The following USH2A variants were observed in gnomAD, a reference collection of about 807,000 sequenced individuals.
USH2A encodes the protein Usher syndrome 2A (autosomal recessive, mild).
Under a neutral mutation model 538.9 loss-of-function variants are expected in USH2A, and 443 were observed. The observed-to-expected ratio is 0.82, with a 90% CI of 0.76 to 0.89. The LOEUF is 0.89. Ranked by LOEUF, USH2A falls within the 40% of genes least tolerant of loss-of-function variation. The probability of loss-of-function intolerance (pLI) is 0.00; values close to 1 mark genes in which losing one functional copy is unlikely to be tolerated. For synonymous variants in USH2A, 2,413 were observed against 2,273.5 expected (o/e 1.06, Z -1.75); for missense variants, 6,633 against 6,324.8 (o/e 1.05, Z -1.65).
intron 20 of USH2A, among the ~76,000 whole-genome samples, chr1:216,180,536 A>C (rs2034472904): frequency 6.6e-6 from 1 of 152,096 alleles, no homozygotes; most frequent in African/African-American, 2.4e-5. Flanking sequence ...TAGCATTTTG[A>C]GCACCATAGG....
intron 27 of USH2A, among the ~76,000 whole-genome samples, chr1:216,073,999 C>T (rs999229880): frequency 6.6e-6 from 1 of 152,204 alleles, no homozygotes; most frequent in Admixed American, 6.5e-5. Flanking sequence ...CAGGGGCCAG[C>T]CTTCACTGTT....
At chr1:215,951,387 G>A (rs953512844) in intron 37 of USH2A, among the ~76,000 whole-genome samples, 4 of 152,172 alleles carry the variant, frequency 2.6e-5, no homozygotes, top group African/African-American at 9.7e-5. Flanking sequence ...TTAATCCTGA[G>A]TTCTAGTTTG....
At chr1:215,689,257 T>C (rs4638090) in intron 61 of USH2A, among the ~76,000 whole-genome samples, 30,408 of 152,144 alleles carry the variant, frequency 0.2, 3,196 homozygotes, top group Non-Finnish European at 0.23. Flanking sequence ...TTGAGGGTCC[T>C]TGGACATATC....
intron 42 of USH2A, among the ~76,000 whole-genome samples, 174 bp downstream of exon 42, chr1:215,878,590 T>C (rs569649431): frequency 1.3e-5 from 2 of 152,334 alleles, no homozygotes; most frequent in African/African-American, 4.8e-5. Context: ...ACTTTGATGT[T>C]TCCATAATAA....
intron 36 of USH2A, 60 bp from the exon 37 acceptor site, chr1:215,965,539 G>T: frequency 6.3e-7 from 1 of 1,585,168 alleles, no homozygotes; most frequent in South Asian, 1.1e-5. Flanking sequence ...GCTTCGCTTT[G>T]AGCATATTTC....
chr1:215,857,492 G>A (rs568023959), intron 44 of USH2A, among the ~76,000 whole-genome samples: 1 of 152,304 alleles, frequency 6.6e-6, no homozygotes, highest in East Asian at 1.9e-4. Context: ...TTCAAGGGAG[G>A]AGCAACAGGA....
At chr1:215,955,071 G>A (rs1203929779) in intron 37 of USH2A, among the ~76,000 whole-genome samples, 1 of 152,042 alleles carries the variant, frequency 6.6e-6, no homozygotes, top group East Asian at 1.9e-4. Context: ...TTCTTATTAT[G>A]AAAATCTTAG....
chr1:215,632,448 G>A (rs572865634), intron 70 of USH2A, among the ~76,000 whole-genome samples: 8 of 152,274 alleles, frequency 5.3e-5, no homozygotes, highest in African/African-American at 1.9e-4. Context: ...TGGTCACTAA[G>A]TTAACCAAGT....
At chr1:216,047,647 G>T (rs2030581347) in intron 31 of USH2A, among the ~76,000 whole-genome samples, 1 of 152,118 alleles carries the variant, frequency 6.6e-6, no homozygotes, top group Non-Finnish European at 1.5e-5. Flanking sequence ...TGCAAGTGGT[G>T]CTTGGTAAAG....
chr1:215,646,174 G>A (rs568867166), intron 67 of USH2A, among the ~76,000 whole-genome samples: 3 of 152,260 alleles, frequency 2.0e-5, no homozygotes, highest in Admixed American at 2.0e-4. Context: ...GGTATAATAA[G>A]CTGGACCAGC....
At chr1:216,131,875 C>T (rs2033383484) in intron 21 of USH2A, among the ~76,000 whole-genome samples, 2 of 152,070 alleles carry the variant, frequency 1.3e-5, no homozygotes, top group Non-Finnish European at 2.9e-5. Context: ...AGGCACTCTT[C>T]TAGATGCTTT....
In USH2A at chr1:215,627,433, C is replaced by CTTCCTTCTTTCCTTCCTTCT. The variant is rs1558027439; in HGVS notation, c.15519+1380_15519+1381insAGAAGGAAGGAAAGAAGGAA. Among the ~76,000 whole-genome samples, 35 of 74,764 alleles carry CTTCCTTCTTTCCTTCCTTCT rather than the reference C, an allele frequency of 4.7e-4. 1 individual carries two copies. The highest frequency in any genetic ancestry group is 1.0e-3 in the African/African-American group (19 of 18,682). The allele number at this position is 74,764 out of a possible 152,430, so 49.0% of individuals were successfully genotyped here. A position where few individuals can be genotyped will look rare whatever the true frequency, so the allele number is the denominator to read the frequency against. On this transcript the variant is annotated intron_variant, in intron 71 of 71. Transcript: ENST00000307340. The stretch of plus-strand genomic sequence containing the variant: ...CCTTCCTTCCTTCCTTCCTTCCTTC[C>CTTCCTTCTTTCCTTCCTTCT]TTCCTTCCTTCCTTCCTTCCTTCCT...
Position 216,076,188 on chromosome 1 carries a change from A to G in USH2A, c.5572+1901T>C, listed in dbSNP as rs566306361. Among the ~76,000 whole-genome samples, 4 of 152,290 alleles carry G rather than the reference A, an allele frequency of 2.6e-5. No individual in the cohort carries two copies. In the East Asian group the frequency reaches 7.7e-4, roughly 30 times the overall value. On this transcript the variant is annotated intron_variant, in intron 27 of 71. Transcript: ENST00000307340. ...TAACCATTCCAGGTGATGTCAATGT[A>G]TCTTGAATAGTAAAAATAATGGCTA...
intron 61 of USH2A, among the ~76,000 whole-genome samples, chr1:215,694,705 G>A (rs12142339): frequency 0.38 from 57,294 of 152,080 alleles, 11,215 homozygotes; most frequent in South Asian, 0.55. Context: ...ATACTCTAGT[G>A]TATCTGTCTC....
chr1:216,373,640 C>T (rs1461400498), intron 3 of USH2A, among the ~76,000 whole-genome samples: 1 of 152,116 alleles, frequency 6.6e-6, no homozygotes, highest in Non-Finnish European at 1.5e-5. Context: ...ACGATGTAAA[C>T]ATCAAAGTTA....
intron 10 of USH2A, 138 bp downstream of exon 10, chr1:216,292,037 C>G (rs2037010610): frequency 1.0e-6 from 1 of 974,872 alleles, no homozygotes; most frequent in African/African-American, 1.6e-5. Context: ...ATTTGGTGAA[C>G]TAGCTTTGAT....
In USH2A at chr1:215,728,035, C is replaced by T; in HGVS notation, c.12061G>A (p.Val4021Met). 1.9e-6 allele frequency: 3 copies of T among 1,614,064 alleles called. No individual in the cohort carries two copies. The highest frequency in any genetic ancestry group is 2.5e-6 in the Non-Finnish European group (3 of 1,180,012). The change falls in exon 61 of 72, where the codon GTG (valine) becomes ATG (methionine). Residue 4021 changes from valine to methionine, a missense_variant. By Grantham distance (21) the Val-to-Met change is conservative (BLOSUM62 1). Transcript: ENST00000307340. ...FNSPTVHAFT[V>M]KGTSHQAHLY... ...ACTTTTCTAAAGGGTCTTACCTTCACTGTGAAAGCATGCACGGTAGGGCTG... is the reference window on the plus strand; with the variant it reads ...ACTTTTCTAAAGGGTCTTACCTTCATTGTGAAAGCATGCACGGTAGGGCTG...
chr1:215,922,814 G>A (rs1318839954), intron 38 of USH2A, among the ~76,000 whole-genome samples: 1 of 152,072 alleles, frequency 6.6e-6, no homozygotes, highest in East Asian at 1.9e-4. Flanking sequence ...TTAGAGATAA[G>A]AGACCAACAT....
intron 11 of USH2A, among the ~76,000 whole-genome samples, chr1:216,286,477 C>T (rs1348990882): frequency 6.6e-6 from 1 of 152,100 alleles, no homozygotes; most frequent in Non-Finnish European, 1.5e-5. Context: ...GCCTGTAATC[C>T]TAGCACTTTG....
Sources: allele counts gnomAD v4.1 joint callset (sites outside exome capture counted in the v4.1 genomes callset), GRCh38; gene constraint gnomAD v4.1.1; transcripts MANE v1.5; gene names NCBI Gene and HGNC (gene_info 2026-07-23, HGNC 2026-07-21).